The following GRAMD1A variants were observed in gnomAD, a reference collection of about 807,000 sequenced individuals.
GRAMD1A encodes GRAM domain containing 1A.
A neutral mutation model predicts 92.0 loss-of-function variants in GRAMD1A; 50 were observed. The ratio of observed to expected loss-of-function variants is 0.54; its 90% confidence interval spans 0.43 to 0.69. The LOEUF (loss-of-function observed/expected upper bound fraction) is 0.69. GRAMD1A is among the 30% of genes least tolerant of loss of function. GRAMD1A has a pLI of 0.00. For synonymous variants in GRAMD1A, 405 were observed against 403.6 expected (o/e 1.00, Z -0.04); for missense variants, 819 against 978.9 (o/e 0.84, Z 2.18).
chr19:35,011,569 G>A lies in GRAMD1A; in HGVS notation c.606+15G>A. 6.3e-7 allele frequency: 1 copy of A among 1,587,760 alleles called. No homozygotes were observed. Among genetic ancestry groups the A allele is most frequent in the Non-Finnish European group, 8.6e-7 (1 of 1,160,226 alleles). ...TGCTTGAAAAGGTGGGCCTGGGTGA[G>A]GCCCGGGTGGGGATGGGGGGTTTCC... On this transcript the variant is annotated intron_variant, in intron 7 of 19. Transcript: ENST00000317991.
chr19:35,003,394 T>C (rs1003802024), intron 1 of GRAMD1A, among the ~76,000 whole-genome samples: 1 of 151,980 alleles, frequency 6.6e-6, no homozygotes, highest in Non-Finnish European at 1.5e-5. Context: ...CCCTTCCGAG[T>C]CTCCTCGCCC....
chr19:35,011,386 T>C lies in GRAMD1A; in HGVS notation c.526-88T>C, dbSNP rs1344456033. The C allele has an allele frequency of 3.2e-6, 3 of 923,568 alleles. No individual in the cohort carries two copies. In the African/African-American group the frequency reaches 4.9e-5, roughly 15 times the overall value. 57.2% of individuals were successfully genotyped at this position (923,568 alleles called of 1,614,324 possible). On this transcript the variant is annotated intron_variant, in intron 6 of 19. Transcript: ENST00000317991. Reference sequence around the variant, plus strand: ...GATTCATGGGGCCAAAGATGTGGCGTCAGCGCAGATGAGGGTGGCGCTTCC... The same window carrying C: ...GATTCATGGGGCCAAAGATGTGGCGCCAGCGCAGATGAGGGTGGCGCTTCC...
intron 13 of GRAMD1A, 129 bp downstream of exon 13, chr19:35,019,662 C>T: frequency 2.3e-6 from 2 of 886,428 alleles, no homozygotes; most frequent in Non-Finnish European, 1.8e-6. Context: ...GTTCCTGAGG[C>T]CCTTGTCCTC....
chr19:35,021,925 T>C lies in GRAMD1A; in HGVS notation c.1754-26T>C. 27 of 1,613,150 alleles carry C rather than the reference T, an allele frequency of 1.7e-5. No homozygotes were observed. The highest frequency in any genetic ancestry group is 2.3e-5 in the Non-Finnish European group (27 of 1,179,464). On this transcript the variant is annotated intron_variant, in intron 15 of 19. Coordinates refer to ENST00000317991, the MANE Select transcript of GRAMD1A (RefSeq NM_020895.5). This position sits in a 1 kb window ranked among gnomAD's most constrained non-coding sequence, Gnocchi z 5.3. Reference sequence around the variant, plus strand: ...GGATCGGGGGTCCTGGACTGGGCCATCTGACTCCAAGCTGCTCTCCTGCAG... The same window carrying C: ...GGATCGGGGGTCCTGGACTGGGCCACCTGACTCCAAGCTGCTCTCCTGCAG...
In GRAMD1A at chr19:35,010,735, C is replaced by T. The variant is rs140922273; in HGVS notation, c.525+356C>T. ...GGTTGCAAGATGGCTTTCTCACCAG[C>T]GGTCCAACAAGAAGGGGGACAGGTG... is the stretch of plus-strand genomic sequence containing the variant. On this transcript the variant is annotated intron_variant, in intron 6 of 19. Coordinates refer to ENST00000317991, the MANE Select transcript of GRAMD1A (RefSeq NM_020895.5). 72 of 522,284 alleles carry T rather than the reference C, an allele frequency of 1.4e-4. No individual in the cohort carries two copies. In the Admixed American group the frequency reaches 1.5e-3, roughly 11 times the overall value. The allele number at this position is 522,284 out of a possible 1,614,324, so 32.4% of individuals were successfully genotyped here.
In GRAMD1A at chr19:35,009,896, C is replaced by T. The variant is rs768228477; in HGVS notation, c.249C>T (p.Ser83=). ...KKMQSWYSML[S]PTYKQRNEDF... ...CTCTCAAACTTCCTCAGATGCTGAG[C>T]CCCACTTATAAGCAGCGTAATGAGG... Residue 83 remains serine (S), a synonymous_variant, in exon 4 of 20, where the codon AGC becomes AGT. Coordinates refer to ENST00000317991, the MANE Select transcript of GRAMD1A (RefSeq NM_020895.5). 5 of 1,605,436 alleles carry T rather than the reference C, an allele frequency of 3.1e-6. No individual in the cohort carries two copies. Among genetic ancestry groups the T allele is most frequent in the Non-Finnish European group, 8.5e-7 (1 of 1,172,102 alleles).
At chr19:34,995,941 T>TA, upstream of GRAMD1A, 2 of 1,235,442 alleles carry the variant, frequency 1.6e-6, no homozygotes, top group South Asian at 3.0e-5. Context: ...GGGAAGGTGG[T>TA]AAGGGGGCTT....
intron 19 of GRAMD1A, 118 bp from the exon 20 acceptor site, chr19:35,025,931 G>A: frequency 1.5e-6 from 1 of 684,432 alleles, no homozygotes; most frequent in Non-Finnish European, 2.7e-6. Context: ...GGGACCCTGG[G>A]GTGGGGCAGT....
Position 35,013,043 on chromosome 19 carries a change from G to A in GRAMD1A, c.607-213G>A. 1 of 558,222 alleles carries A rather than the reference G, an allele frequency of 1.8e-6. No individual in the cohort carries two copies. Among genetic ancestry groups the A allele is most frequent in the South Asian group, 2.4e-5 (1 of 41,650 alleles). The allele number at this position is 558,222 out of a possible 1,614,324, so 34.6% of individuals were successfully genotyped here. ...TCTGGCCAGAGTATTGTGGGGACTT[G>A]GGAAGCAGGAAGTTTGAGTCCTGGG... is the stretch of plus-strand genomic sequence containing the variant. On this transcript the variant is annotated intron_variant, in intron 7 of 19. Transcript: ENST00000317991. This position sits in a 1 kb window ranked among gnomAD's most constrained non-coding sequence, Gnocchi z 4.9.
intron 1 of GRAMD1A, among the ~76,000 whole-genome samples, chr19:35,002,147 T>C (rs2014419213): frequency 6.6e-6 from 1 of 152,102 alleles, no homozygotes; most frequent in Non-Finnish European, 1.5e-5. Flanking sequence ...CTCTGTAGGC[T>C]TGGAACCCTC....
chr19:35,007,137 C>T (rs2014880521), intron 1 of GRAMD1A, among the ~76,000 whole-genome samples: 1 of 152,182 alleles, frequency 6.6e-6, no homozygotes, highest in African/African-American at 2.4e-5. Flanking sequence ...GCACCCAGGG[C>T]AGGGCTCAGA....
intron 18 of GRAMD1A, 42 bp downstream of exon 18, chr19:35,023,385 C>T (rs373496441): frequency 6.4e-5 from 103 of 1,612,984 alleles, no homozygotes; most frequent in Non-Finnish European, 8.0e-5. Context: ...TTGGGCACAT[C>T]GGGGGAGGCC....
At chr19:34,995,851 G>A (rs765574503), upstream of GRAMD1A, 27 of 602,126 alleles carry the variant, frequency 4.5e-5, no homozygotes, top group Non-Finnish European at 6.7e-5. Context: ...CCAGAGAGCT[G>A]GGATTACAAG....
intron 11 of GRAMD1A, among the ~76,000 whole-genome samples, chr19:35,016,904 CAA>C (rs553636601): frequency 1.6e-4 from 11 of 68,414 alleles, no homozygotes; most frequent in Admixed American, 1.8e-4. Flanking sequence ...GACTCTGTCT[CAA>C]AAAAAAAAAA....
intron 19 of GRAMD1A, 109 bp downstream of exon 19, chr19:35,023,656 T>C (rs1478245494): frequency 1.8e-6 from 2 of 1,093,076 alleles, no homozygotes; most frequent in Admixed American, 6.0e-5. Flanking sequence ...AGTGTCCTCC[T>C]CTGTAAAATG....
intron 11 of GRAMD1A, among the ~76,000 whole-genome samples, chr19:35,016,930 G>C (rs1277243436): frequency 2.7e-5 from 4 of 149,260 alleles, no homozygotes; most frequent in African/African-American, 4.9e-5. Context: ...AAAGGTGGGA[G>C]GAGGGCCAAG....
rs777872718 is a variant in GRAMD1A at position 35,022,071 on chromosome 19, G to T, written c.1841+33G>T. On this transcript the variant is annotated intron_variant, in intron 16 of 19. Coordinates refer to ENST00000317991, the MANE Select transcript of GRAMD1A (RefSeq NM_020895.5). ...AGAGACAGGAGCAGTGGCCACACAG[G>T]CCTGAACCTGCCTCCTGGCTGTGTG... 5 of 1,471,794 alleles carry T rather than the reference G, an allele frequency of 3.4e-6. No homozygotes were observed. In the East Asian group the frequency reaches 9.1e-5, roughly 27 times the overall value. The allele number at this position is 1,471,794 out of a possible 1,614,324, so 91.2% of individuals were successfully genotyped here.
chr19:35,015,790 G>A (rs1221279276), intron 10 of GRAMD1A, 34 bp from the exon 11 acceptor site: 2 of 1,602,524 alleles, frequency 1.2e-6, no homozygotes, highest in East Asian at 4.5e-5. Context: ...AGGAGTGGAG[G>A]CAGTCATCAT....
chr19:35,021,595 C>A lies in GRAMD1A; in HGVS notation c.1569C>A (p.Phe523Leu). The A allele has an allele frequency of 6.2e-7, 1 of 1,613,928 alleles. No homozygotes were observed. Among genetic ancestry groups the A allele is most frequent in the Non-Finnish European group, 8.5e-7 (1 of 1,179,758 alleles). ...CGTGGAGCGGCATTGAAGACTATTTCCACCATCTGGGTAGGGACAGAAGGC... is the reference window on the plus strand; with the variant it reads ...CGTGGAGCGGCATTGAAGACTATTTACACCATCTGGGTAGGGACAGAAGGC... ...KNSWSGIEDYFHHLERELAKA... is the reference protein window; with the variant it reads ...KNSWSGIEDYLHHLERELAKA... The change falls in exon 14 of 20, where the codon TTC becomes TTA. Residue 523 changes from phenylalanine to leucine, a missense_variant. Around this residue, in one of 3 missense-constraint regions of GRAMD1A, gnomAD observed 577 missense variants for 674.6 expected, o/e 0.86. Transcript: ENST00000317991. This position sits in a 1 kb window ranked among gnomAD's most constrained non-coding sequence, Gnocchi z 5.3.
Sources: gnomAD v4.1 joint callset for allele counts (sites outside exome capture counted in the v4.1 genomes callset) on GRCh38, gnomAD v4.1.1 for gene constraint, gnomAD v4.1.1 regional missense constraint, Gnocchi (gnomAD v3.1) non-coding constraint, MANE v1.5 for transcripts, NCBI Gene and HGNC (gene_info 2026-07-23, HGNC 2026-07-21) for gene names.